DMD: variants seen among roughly 807,000 people sequenced by gnomAD.
DMD encodes the protein mutant dystrophin.
In DMD, 63 loss-of-function variants were observed where a neutral mutation model predicts 330.1. The ratio of observed to expected loss-of-function variants is 0.19; its 90% confidence interval spans 0.16 to 0.24. The LOEUF is 0.24. DMD is among the 10% of genes least tolerant of loss of function. The pLI is 1.00. For missense variants in DMD, 3,344 were observed against 2,684.1 expected (o/e 1.25, Z -5.43); for synonymous variants, 1,223 against 959.8 (o/e 1.27, Z -5.07).
chrX:31,735,189 A>G (rs1463187627), intron 51 of DMD, among the ~76,000 whole-genome samples: 1 of 111,536 alleles, frequency 9.0e-6, no homozygotes, highest in Non-Finnish European at 1.9e-5. Context: ...TAGACCGCAC[A>G]CTGGGATGCT....
intron 67 of DMD, among the ~76,000 whole-genome samples, chrX:31,197,434 T>C (rs1375034306): frequency 1.9e-5 from 2 of 105,664 alleles, no homozygotes; most frequent in African/African-American, 6.9e-5. Flanking sequence ...GAATTGGGAA[T>C]GTTTCTAACA....
intron 55 of DMD, among the ~76,000 whole-genome samples, chrX:31,617,693 T>TACC (rs1232019160): frequency 2.7e-5 from 3 of 111,284 alleles, no homozygotes; most frequent in Non-Finnish European, 5.7e-5. Context: ...AAAACTGAAC[T>TACC]ACCGTTCAAC....
chrX:32,679,106 T>C (rs1163530848), intron 9 of DMD, among the ~76,000 whole-genome samples: 3 of 111,844 alleles, frequency 2.7e-5, no homozygotes, highest in African/African-American at 9.7e-5. Context: ...AGTGCCTAAT[T>C]ATCTGAGTGA....
intron 43 of DMD, among the ~76,000 whole-genome samples, chrX:32,217,861 T>G (rs911306889): frequency 8.9e-6 from 1 of 112,069 alleles, no homozygotes; most frequent in African/African-American, 3.2e-5. Flanking sequence ...TCTGTCAATA[T>G]TTAAAATAAG....
At chrX:31,356,144 C>T (rs1254880528) in intron 60 of DMD, among the ~76,000 whole-genome samples, 1 of 111,687 alleles carries the variant, frequency 9.0e-6, no homozygotes, top group Non-Finnish European at 1.9e-5. Context: ...CAGGATAGAT[C>T]ACGGGAAACA....
At position 33,128,436 on chromosome X, in the gene DMD, A is replaced by T. The variant is rs913388169; in HGVS notation, c.31+82846T>A. The T allele has an allele frequency of 6.2e-6, 6 of 962,937 alleles. No individual in the cohort carries two copies. The South Asian group carries it at 2.5e-4, about 40-fold the overall frequency. The allele number at this position is 962,937 out of a possible 1,213,427, so 79.4% of individuals were successfully genotyped here. On this transcript the variant is annotated intron_variant, in intron 1 of 78. Coordinates refer to ENST00000357033, the MANE Select transcript of DMD (RefSeq NM_004006.3). ...CAGCTTCACAGACAGCATTTTGCAA[A>T]CACTCCCCTCTCACAGCAATGGTTT...
chrX:33,198,086 G>A (rs1306930155), intron 1 of DMD, among the ~76,000 whole-genome samples: 2 of 111,326 alleles, frequency 1.8e-5, no homozygotes, highest in Non-Finnish European at 3.8e-5. Flanking sequence ...TTTCAGTGTT[G>A]TCACTGTTTT....
chrX:32,179,585 G>T (rs1468509521), intron 44 of DMD, among the ~76,000 whole-genome samples: 2 of 111,995 alleles, frequency 1.8e-5, no homozygotes, highest in Non-Finnish European at 1.9e-5. Context: ...ATGGTAAAAA[G>T]GACGCCCCCT....
chrX:32,556,528 T>C (rs2050319737), intron 16 of DMD, among the ~76,000 whole-genome samples: 1 of 111,190 alleles, frequency 9.0e-6, no homozygotes, highest in Admixed American at 9.5e-5. Context: ...TGCAACACTA[T>C]ACACAATAGC....
At chrX:31,430,758 T>C (rs1479585969) in intron 60 of DMD, among the ~76,000 whole-genome samples, 13 of 107,954 alleles carry the variant, frequency 1.2e-4, no homozygotes, top group African/African-American at 4.0e-4. Context: ...AGAATTGGAA[T>C]TGGGGGTCCT....
At chrX:31,343,653 G>T (rs1338663889) in intron 61 of DMD, among the ~76,000 whole-genome samples, 1 of 109,598 alleles carries the variant, frequency 9.1e-6, no homozygotes, top group Non-Finnish European at 1.9e-5. Context: ...ACACACGTGC[G>T]AGACAGAGAG....
chrX:32,227,794 TTAAAA>T (rs1276612537), intron 43 of DMD, among the ~76,000 whole-genome samples: 1 of 111,584 alleles, frequency 9.0e-6, no homozygotes, highest in East Asian at 2.8e-4. Flanking sequence ...ACTAAGACTA[TTAAAA>T]TAAATCTTAA....
At chrX:32,539,576 G>A (rs1454064389) in intron 17 of DMD, among the ~76,000 whole-genome samples, 1 of 110,188 alleles carries the variant, frequency 9.1e-6, no homozygotes, top group Non-Finnish European at 1.9e-5. Flanking sequence ...AAATAACTTG[G>A]TATATTTTGC....
intron 2 of DMD, among the ~76,000 whole-genome samples, chrX:33,007,692 T>C (rs1001929517): frequency 2.7e-5 from 3 of 111,538 alleles, no homozygotes; most frequent in African/African-American, 9.8e-5. Context: ...TTAACTGTTA[T>C]ATTCAAAACA....
At chrX:32,242,763 T>C (rs2097213817) in intron 43 of DMD, among the ~76,000 whole-genome samples, 1 of 110,793 alleles carries the variant, frequency 9.0e-6, no homozygotes, top group African/African-American at 3.3e-5. Context: ...TCAATAATAA[T>C]ATCATGTAGT....
chrX:32,390,270 C>T (rs763725178), intron 30 of DMD, 89 bp from the exon 31 acceptor site: 10 of 661,056 alleles, frequency 1.5e-5, no homozygotes, highest in African/African-American at 8.7e-5. Context: ...TCTCCTCAAC[C>T]ACCTCTACCA....
At position 32,491,531 on chromosome X, in the gene DMD, AAAT is replaced by A; in HGVS notation, c.2381-16_2381-14del. The A allele has an allele frequency of 1.7e-6, 2 of 1,196,597 alleles. No individual in the cohort carries two copies. Among genetic ancestry groups the A allele is most frequent in the Non-Finnish European group, 2.3e-6 (2 of 886,180 alleles). On this transcript the variant is annotated splice_polypyrimidine_tract_variant and intron_variant, in intron 19 of 78. Transcript: ENST00000357033. ...GCATTAACACCCTCTAGAAAGAAAA[AAAT>A]AATTAAATATATCCCCTGAACCCAC...
At chrX:32,200,479 T>A (rs1408585479) in intron 44 of DMD, among the ~76,000 whole-genome samples, 2 of 111,473 alleles carry the variant, frequency 1.8e-5, no homozygotes, top group Admixed American at 1.9e-4. Context: ...GTGTTATATA[T>A]GTAACACGTT....
At chrX:33,205,830 T>C (rs765742683) in intron 1 of DMD, among the ~76,000 whole-genome samples, 3 of 112,193 alleles carry the variant, frequency 2.7e-5, no homozygotes, top group East Asian at 2.8e-4. Flanking sequence ...CATTTAAAAG[T>C]TGACAAATTA....
Sources: allele counts gnomAD v4.1 joint callset (sites outside exome capture counted in the v4.1 genomes callset), GRCh38; gene constraint gnomAD v4.1.1; transcripts MANE v1.5; gene names NCBI Gene and HGNC (gene_info 2026-07-23, HGNC 2026-07-21).